AKAP13: variants seen among roughly 807,000 people sequenced by gnomAD.
The protein encoded by AKAP13 is A-kinase anchoring protein 13, also known as A-kinase anchor protein 13.
In AKAP13, 80 loss-of-function variants were observed where a neutral mutation model predicts 264.5. The ratio of observed to expected loss-of-function variants is 0.30; its 90% confidence interval spans 0.25 to 0.36. The LOEUF (loss-of-function observed/expected upper bound fraction) is 0.36, where lower values mean the gene tolerates loss of function less well. Among genes scored for constraint, AKAP13 ranks in the 10% least tolerant of loss-of-function variants. AKAP13 has a pLI of 1.00. For missense variants in AKAP13, 3,712 were observed against 3,435.2 expected, an observed-to-expected ratio of 1.08 and a Z score of -2.01; for synonymous variants, 1,380 against 1,250.2, an observed-to-expected ratio of 1.10 and a Z score of -2.19.
intron 1 of AKAP13, among the ~76,000 whole-genome samples, chr15:85,455,102 T>G (rs147285513): frequency 1.3e-5 from 2 of 152,254 alleles, no homozygotes; most frequent in Non-Finnish European, 2.9e-5. Context: ...GGGCCTCTCA[T>G]GTCTGTCCTT....
intron 9 of AKAP13, among the ~76,000 whole-genome samples, chr15:85,644,108 C>A (rs1297618445): frequency 6.6e-6 from 1 of 152,120 alleles, no homozygotes; most frequent in East Asian, 1.9e-4. Context: ...TCCTAGATAG[C>A]CAGGTTTCTT....
intron 8 of AKAP13, among the ~76,000 whole-genome samples, chr15:85,611,066 G>T (rs544545428): frequency 6.6e-6 from 1 of 150,478 alleles, no homozygotes; most frequent in Admixed American, 6.6e-5. Flanking sequence ...CTACAACTAC[G>T]CCAGAACTAC....
rs1567136316 is a variant in AKAP13 at position 85,579,599 on chromosome 15, T to A, written c.1531T>A (p.Ser511Thr). 6.2e-7 allele frequency: 1 copy of A among 1,614,152 alleles called. No individual in the cohort carries two copies. The highest frequency in any genetic ancestry group is 1.1e-5 in the South Asian group (1 of 91,080). Residue 511 changes from serine (S) to threonine (T), a missense_variant, in exon 7 of 37, where the codon TCT (serine) becomes ACT (threonine). By Grantham distance (58) the Ser-to-Thr change is moderately conservative. Around this residue, in one of 3 missense-constraint regions of AKAP13, gnomAD observed 2,759 missense variants for 2,411.7 expected, o/e 1.14. Coordinates refer to ENST00000394518, the MANE Select transcript of AKAP13 (RefSeq NM_007200.5). ...AAGTACAAAGGAAAGATTTGAGAACTCTAATATTGGCACAGCTGGAGCCTC... is the reference window on the plus strand; with the variant it reads ...AAGTACAAAGGAAAGATTTGAGAACACTAATATTGGCACAGCTGGAGCCTC... Reference protein sequence around the residue: ...GESTKERFENSNIGTAGASDV... With the variant: ...GESTKERFENTNIGTAGASDV...
rs559937227 is a variant in AKAP13 at position 85,429,885 on chromosome 15, T to A, written c.-12+49087T>A. 2.0e-5 allele frequency among the ~76,000 whole-genome samples: 3 copies of A among 152,326 alleles called. No individual in the cohort carries two copies. The South Asian group carries it at 6.2e-4, about 32-fold the overall frequency. ...ATGTTTGTTTTTATCTTTTGAATAT[T>A]CCCTTGCATTTTCCCCTGCACTTTA... On this transcript the variant is annotated intron_variant, in intron 1 of 36. Transcript: ENST00000394518.
At chr15:85,652,071 C>T (rs868469657) in intron 10 of AKAP13, among the ~76,000 whole-genome samples, 3 of 152,104 alleles carry the variant, frequency 2.0e-5, no homozygotes, top group Non-Finnish European at 2.9e-5. Flanking sequence ...TTTATTCTTA[C>T]CAGATATGCA....
intron 14 of AKAP13, among the ~76,000 whole-genome samples, chr15:85,677,688 G>T (rs1205102116): frequency 4.1e-5 from 6 of 144,662 alleles, no homozygotes; most frequent in Non-Finnish European, 7.5e-5. Flanking sequence ...GTCTCACTCT[G>T]TCGCCCAGGC....
chr15:85,657,933 A>G (rs1380365531), intron 11 of AKAP13, among the ~76,000 whole-genome samples: 2 of 152,158 alleles, frequency 1.3e-5, no homozygotes, highest in African/African-American at 2.4e-5. Context: ...TTAGAGCTAC[A>G]TGTGACTGTG....
At chr15:85,572,417 G>C (rs895851795) in intron 5 of AKAP13, among the ~76,000 whole-genome samples, 2 of 151,612 alleles carry the variant, frequency 1.3e-5, no homozygotes, top group African/African-American at 4.8e-5. Context: ...TCGTTTCTTT[G>C]AACTGTCGAG....
At chr15:85,563,687 C>A (rs2078499202) in intron 5 of AKAP13, among the ~76,000 whole-genome samples, 3 of 152,190 alleles carry the variant, frequency 2.0e-5, no homozygotes, top group African/African-American at 7.2e-5. Context: ...GCTTTGGGAG[C>A]AGCCCAACCT....
intron 10 of AKAP13, among the ~76,000 whole-genome samples, chr15:85,646,575 C>T (rs1463867189): frequency 6.6e-6 from 1 of 152,164 alleles, no homozygotes; most frequent in African/African-American, 2.4e-5. Context: ...TGACAGTGAA[C>T]ACTTCTCAGT....
chr15:85,452,195 T>C (rs2074115013), intron 1 of AKAP13, among the ~76,000 whole-genome samples: 1 of 150,988 alleles, frequency 6.6e-6, no homozygotes, highest in Non-Finnish European at 1.5e-5. Flanking sequence ...TAGTGTGATA[T>C]TCAGCTCTGT....
intron 8 of AKAP13, among the ~76,000 whole-genome samples, chr15:85,623,499 G>A (rs1489147022): frequency 6.6e-6 from 1 of 152,168 alleles, no homozygotes; most frequent in Non-Finnish European, 1.5e-5. Context: ...TTATTTGGCT[G>A]CTTCTGCATT....
intron 3 of AKAP13, among the ~76,000 whole-genome samples, chr15:85,523,128 G>C (rs1403996278): frequency 6.6e-6 from 1 of 151,988 alleles, no homozygotes; most frequent in Non-Finnish European, 1.5e-5. Flanking sequence ...TGATATGTGT[G>C]CAAGGGTACC....
chr15:85,662,742 A>G (rs1033040015), intron 12 of AKAP13, among the ~76,000 whole-genome samples: 1 of 152,224 alleles, frequency 6.6e-6, no homozygotes, highest in Admixed American at 6.5e-5. Context: ...TTCAGATCCT[A>G]AAAATTCTTG....
rs148412808 is a variant in AKAP13, at chr15:85,404,685, GTTGTAC to G, written c.-12+23893_-12+23898del. ...CACTGTTTCCTATCCTGGTTGTAAA[GTTGTAC>G]TTGTATATCTCATTCCCTTTACTGG... On this transcript the variant is annotated intron_variant, in intron 1 of 36. Transcript: ENST00000394518. Among the ~76,000 whole-genome samples, 69 of 152,284 alleles carry G rather than the reference GTTGTAC, an allele frequency of 4.5e-4. No homozygotes were observed. In the East Asian group the frequency reaches 0.013, roughly 29 times the overall value.
At chr15:85,460,216 T>TCA (rs946542833) in intron 1 of AKAP13, among the ~76,000 whole-genome samples, 1 of 152,146 alleles carries the variant, frequency 6.6e-6, no homozygotes, top group African/African-American at 2.4e-5. Flanking sequence ...CCTGCTCCTA[T>TCA]CACACACACA....
chr15:85,581,310 G>C lies in AKAP13; in HGVS notation c.3242G>C (p.Cys1081Ser), dbSNP rs867921314. 1.9e-6 allele frequency: 3 copies of C among 1,614,212 alleles called. No individual in the cohort carries two copies. In the South Asian group the frequency reaches 3.3e-5, roughly 18 times the overall value. ...NTQSQGKTSA[C>S]EVSGDVTVDV... ...CAATCCCAGGGAAAAACTAGTGCCT[G>C]TGAGGTGAGTGGAGATGTGACGGTG... The change falls in exon 7 of 37, where the codon TGT becomes TCT. Residue 1081 changes from cysteine (C) to serine (S), a missense_variant. Cys to Ser is a moderately radical substitution (Grantham distance 112, BLOSUM62 -1). Transcript: ENST00000394518.
chr15:85,710,594 C>T lies in AKAP13; in HGVS notation c.5548C>T (p.Leu1850Phe). 1 of 1,614,026 alleles carries T rather than the reference C, an allele frequency of 6.2e-7. No homozygotes were observed. The highest frequency in any genetic ancestry group is 8.5e-7 in the Non-Finnish European group (1 of 1,179,950). Residue 1850 changes from leucine to phenylalanine, a missense_variant, in exon 19 of 37, where the codon CTT (leucine) becomes TTT (phenylalanine). Leu to Phe is a conservative substitution (Grantham distance 22, BLOSUM62 0). Transcript: ENST00000394518. ...KVKMKQPKGSLQAHDTSSLPT... is the reference protein window; with the variant it reads ...KVKMKQPKGSFQAHDTSSLPT... ...TTCTCTTTAGCAGCCCAAAGGGAGCCTTCAGGCACATGACACATCATCACT... is the reference window on the plus strand; with the variant it reads ...TTCTCTTTAGCAGCCCAAAGGGAGCTTTCAGGCACATGACACATCATCACT...
chr15:85,680,014 T>C (rs1026672139), intron 14 of AKAP13, among the ~76,000 whole-genome samples: 6 of 152,350 alleles, frequency 3.9e-5, no homozygotes, highest in Non-Finnish European at 5.9e-5. Context: ...GAAAATATTA[T>C]AGGAGTCATA....
Sources: allele counts gnomAD v4.1 joint callset (sites outside exome capture counted in the v4.1 genomes callset), GRCh38; gene constraint gnomAD v4.1.1; regional missense constraint gnomAD v4.1.1; transcripts MANE v1.5; gene names NCBI Gene and HGNC (gene_info 2026-07-23, HGNC 2026-07-21).